Variants in POLE4 observed in about 807,000 individuals in gnomAD.
POLE4 encodes DNA polymerase epsilon subunit 4.
A neutral mutation model predicts 15.6 loss-of-function variants in POLE4; 15 were observed. The observed-to-expected ratio is 0.96, with a 90% CI of 0.64 to 1.48. The LOEUF (loss-of-function observed/expected upper bound fraction) is 1.48, where lower values mean the gene tolerates loss of function less well. Among genes scored for constraint, POLE4 ranks in the 40% most tolerant of loss-of-function variants. POLE4 has a pLI of 0.00. For missense variants in POLE4, 205 were observed against 151.9 expected, an observed-to-expected ratio of 1.35 and a Z score of -1.84; for synonymous variants, 83 against 63.2, an observed-to-expected ratio of 1.31 and a Z score of -1.49.
chr2:74,966,328 G>A (rs1671295989), intron 3 of POLE4, among the ~76,000 whole-genome samples: 1 of 152,024 alleles, frequency 6.6e-6, no homozygotes, highest in Non-Finnish European at 1.5e-5. Flanking sequence ...TCTACATAAG[G>A]CATTTTTATT....
chr2:74,962,132 AC>A (rs1160071841), intron 3 of POLE4, among the ~76,000 whole-genome samples: 19 of 152,132 alleles, frequency 1.2e-4, no homozygotes, highest in Admixed American at 4.6e-4. Flanking sequence ...GATTTGGCTA[AC>A]CTGTAGAACC....
At chr2:74,960,932 G>A (rs576907704) in intron 3 of POLE4, 1 of 232,736 alleles carries the variant, frequency 4.3e-6, no homozygotes, top group Non-Finnish European at 8.9e-6. Flanking sequence ...GTTGCCTACA[G>A]TATTCAGTAC....
At chr2:74,961,932 A>G (rs1034361029) in intron 3 of POLE4, among the ~76,000 whole-genome samples, 2 of 152,134 alleles carry the variant, frequency 1.3e-5, no homozygotes, top group African/African-American at 2.4e-5. Context: ...TCGTTTTTAT[A>G]ATACATATCC....
At position 74,969,451 on chromosome 2, in the gene POLE4, TC is replaced by T. The variant is rs1222497373; in HGVS notation, c.*30del. On this transcript the variant is annotated 3_prime_UTR_variant, in exon 4 of 4. Transcript: ENST00000483063. ...CCGAGCGGGGCAGTTTTGTGAGCCT[TC>T]ATCTGAAGCCTTCAGTTCACCCCTC... The T allele has an allele frequency of 6.2e-7, 1 of 1,611,054 alleles. No individual in the cohort carries two copies. The highest frequency in any genetic ancestry group is 8.5e-7 in the Non-Finnish European group (1 of 1,177,296).
chr2:74,967,332 T>C (rs923879084), intron 3 of POLE4, among the ~76,000 whole-genome samples: 21 of 152,042 alleles, frequency 1.4e-4, no homozygotes, highest in Non-Finnish European at 2.6e-4. Context: ...TGTTTTTTTT[T>C]TTTAGTTTCA....
At chr2:74,960,034 G>A in intron 2 of POLE4, 71 bp from the exon 3 acceptor site, 1 of 1,321,166 alleles carries the variant, frequency 7.6e-7, no homozygotes, top group Middle Eastern at 1.8e-4. Context: ...CTTCACTGCA[G>A]ATTGTGCTGT....
chr2:74,960,750 G>C, intron 3 of POLE4: 1 of 369,842 alleles, frequency 2.7e-6, no homozygotes, highest in South Asian at 2.0e-5. Context: ...CATGTGCTGC[G>C]TAATAACTTT....
At chr2:74,967,776 G>A (rs548739640) in intron 3 of POLE4, among the ~76,000 whole-genome samples, 132 of 152,264 alleles carry the variant, frequency 8.7e-4, no homozygotes, top group African/African-American at 3.1e-3. Context: ...ATTTCCATTT[G>A]CTCCTGAAGC....
At chr2:74,969,270 T>A in intron 3 of POLE4, 139 bp from the exon 4 acceptor site, 1 of 787,178 alleles carries the variant, frequency 1.3e-6, no homozygotes, top group Non-Finnish European at 2.3e-6. Context: ...TTTGGATGGA[T>A]CATCCTCAAA....
chr2:74,960,290 T>C, intron 3 of POLE4, 144 bp downstream of exon 3: 2 of 714,528 alleles, frequency 2.8e-6, no homozygotes, highest in Non-Finnish European at 4.9e-6. Flanking sequence ...AAAAAGTAAC[T>C]TGCTAAACCT....
intron 3 of POLE4, 130 bp downstream of exon 3, chr2:74,960,276 T>C (rs936076683): frequency 1.3e-6 from 1 of 783,902 alleles, no homozygotes; most frequent in African/African-American, 1.7e-5. Context: ...GCTATTAGGA[T>C]AGAAAAAAGT....
Position 74,958,781 on chromosome 2 carries a change from TG to T in POLE4, c.106del (p.Ala36LeufsTer11), listed in dbSNP as rs753439438. 2.6e-6 allele frequency: 4 copies of T among 1,550,364 alleles called. No homozygotes were observed. Among genetic ancestry groups the T allele is most frequent in the Non-Finnish European group, 3.5e-6 (4 of 1,146,596 alleles). On this transcript the variant is annotated frameshift_variant, in exon 1 of 4. Coordinates refer to ENST00000483063, the MANE Select transcript of POLE4 (RefSeq NM_019896.4). LOFTEE classifies it high-confidence loss of function. ...AGCCCCAGGCCCCAACGAGTGTGCCTGGGGCTCGTCTCTCGAGGTTGCCTCT... is the reference window on the plus strand; with the variant it reads ...AGCCCCAGGCCCCAACGAGTGTGCCTGGGCTCGTCTCTCGAGGTTGCCTCT... ...SQPQAPTSVPGARLSRLPLAR... is the reference protein window; with the variant it reads ...SQPQAPTSVPXARLSRLPLAR...
Position 74,958,836 on chromosome 2 carries a change from G to A in POLE4, c.157G>A (p.Asp53Asn). 1 of 1,560,378 alleles carries A rather than the reference G, an allele frequency of 6.4e-7. No homozygotes were observed. The highest frequency in any genetic ancestry group is 1.2e-5 in the South Asian group (1 of 84,740). The change falls in exon 1 of 4, where the codon GAT (aspartate) becomes AAT (asparagine). Residue 53 changes from aspartate to asparagine, a missense_variant. Transcript: ENST00000483063. Reference sequence around the variant, plus strand: ...GCGAGTGAAGGCCTTGGTGAAGGCAGATCCCGACGTGACGCTAGCGGGACA... The same window carrying A: ...GCGAGTGAAGGCCTTGGTGAAGGCAAATCCCGACGTGACGCTAGCGGGACA... ...LARVKALVKA[D>N]PDVTLAGQEA...
chr2:74,959,178 T>A (rs1193377633), intron 1 of POLE4, 163 bp from the exon 2 acceptor site: 5 of 620,434 alleles, frequency 8.1e-6, no homozygotes, highest in Non-Finnish European at 1.5e-5. Context: ...GGGAAGAGGG[T>A]AGCGGAATGG....
chr2:74,967,075 G>C (rs1449167182), intron 3 of POLE4, among the ~76,000 whole-genome samples: 1 of 152,060 alleles, frequency 6.6e-6, no homozygotes, highest in Admixed American at 6.6e-5. Flanking sequence ...TTCTTTTTAT[G>C]TAGTTTGTTT....
Position 74,969,567 on chromosome 2 carries a change from T to C in POLE4, c.*145T>C. 1.3e-6 allele frequency: 1 copy of C among 779,962 alleles called. No homozygotes were observed. The highest frequency in any genetic ancestry group is 2.3e-6 in the Non-Finnish European group (1 of 434,960). The allele number at this position is 779,962 out of a possible 1,614,324, so 48.3% of individuals were successfully genotyped here. A position where few individuals can be genotyped will look rare whatever the true frequency, so the allele number is the denominator to read the frequency against. The stretch of plus-strand genomic sequence containing the variant: ...TCACCTATGCCGGGATAAGCAGAGA[T>C]CTCATCAATTAGCTCTTCTCTGCAA... On this transcript the variant is annotated 3_prime_UTR_variant, in exon 4 of 4. Coordinates refer to ENST00000483063, the MANE Select transcript of POLE4 (RefSeq NM_019896.4).
intron 1 of POLE4, 77 bp from the exon 2 acceptor site, chr2:74,959,264 C>G: frequency 1.1e-6 from 1 of 888,160 alleles, no homozygotes; most frequent in Non-Finnish European, 1.8e-6. Context: ...CCTTTCTGCC[C>G]CCACCCACAA....
intron 3 of POLE4, among the ~76,000 whole-genome samples, chr2:74,963,369 A>C (rs915429021): frequency 2.0e-5 from 3 of 151,794 alleles, no homozygotes; most frequent in African/African-American, 7.3e-5. Flanking sequence ...TATTGCCCTG[A>C]TTGTGGGTGA....
chr2:74,958,973 CT>C, intron 1 of POLE4, 81 bp downstream of exon 1: 1 of 1,328,792 alleles, frequency 7.5e-7, no homozygotes, highest in Non-Finnish European at 1.0e-6. Context: ...GCGGGCGGGG[CT>C]TAGGGCGGCG....
Sources: gnomAD v4.1 joint callset for allele counts (sites outside exome capture counted in the v4.1 genomes callset) on GRCh38, gnomAD v4.1.1 for gene constraint, MANE v1.5 for transcripts, NCBI Gene and HGNC (gene_info 2026-07-23, HGNC 2026-07-21) for gene names.